Variants in PDK3 observed in about 807,000 individuals in gnomAD.
The protein encoded by PDK3 is pyruvate dehydrogenase kinase 3.
Under a neutral mutation model 32.0 loss-of-function variants are expected in PDK3, and 12 were observed. The ratio of observed to expected loss-of-function variants is 0.37; its 90% CI spans 0.24 to 0.61. The LOEUF (loss-of-function observed/expected upper bound fraction) is 0.61, where lower values mean the gene tolerates loss of function less well. PDK3 is among the 20% of genes least tolerant of loss of function. PDK3 has a pLI of 0.65. For synonymous variants in PDK3, 122 were observed against 116.3 expected (o/e 1.05, Z -0.31); for missense variants, 188 against 316.9 (o/e 0.59, Z 3.09).
At chrX:24,494,699 T>A (rs767290210) in intron 1 of PDK3, 43 bp from the exon 2 acceptor site, 2 of 1,059,697 alleles carry the variant, frequency 1.9e-6, no homozygotes, top group Admixed American at 2.5e-5. Flanking sequence ...TTTCTCCATC[T>A]GTTAGACTAT....
intron 1 of PDK3, among the ~76,000 whole-genome samples, chrX:24,480,066 A>C (rs1268413983): frequency 9.0e-6 from 1 of 111,601 alleles, no homozygotes; most frequent in Non-Finnish European, 1.9e-5. Flanking sequence ...GTGTGTGAGC[A>C]AAACAAACTG....
At chrX:24,509,019 T>C (rs1922055661) in intron 5 of PDK3, among the ~76,000 whole-genome samples, 1 of 112,166 alleles carries the variant, frequency 8.9e-6, no homozygotes, top group South Asian at 3.7e-4. Flanking sequence ...CCCCAGCCTA[T>C]TTGTCTCTCT....
chrX:24,535,877 G>A (rs183677380), downstream of PDK3, among the ~76,000 whole-genome samples: 956 of 101,656 alleles, frequency 9.4e-3, 9 homozygotes, highest in Middle Eastern at 0.02. Flanking sequence ...TAGAGACAGG[G>A]TTTTGCCATG....
intron 6 of PDK3, among the ~76,000 whole-genome samples, chrX:24,519,400 C>T (rs1316040030): frequency 2.2e-5 from 2 of 91,460 alleles, no homozygotes; most frequent in Middle Eastern, 7.8e-3. Flanking sequence ...GAAGGAGTCT[C>T]GTTCTGTTGC....
In PDK3 at chrX:24,489,112, A is replaced by T. The variant is rs1274436378; in HGVS notation, c.107-5630A>T. Among the ~76,000 whole-genome samples, 9 of 110,876 alleles carry T rather than the reference A, an allele frequency of 8.1e-5. No individual in the cohort carries two copies. In the South Asian group the frequency reaches 1.1e-3, roughly 14 times the overall value. On this transcript the variant is annotated intron_variant, in intron 1 of 10. Transcript: ENST00000379162. ...GTTTTTCTTGGTAAGTTTATTATTT[A>T]AAAAAAAATGGTTGTTAGAACCTTT...
chrX:24,465,682 C>CG, intron 1 of PDK3, 121 bp downstream of exon 1: 5 of 537,238 alleles, frequency 9.3e-6, no homozygotes, highest in African/African-American at 2.3e-5. Flanking sequence ...AGGGAATATC[C>CG]GGGGGGCTCT....
At chrX:24,529,418 G>A in intron 9 of PDK3, among the ~76,000 whole-genome samples, 1 of 111,536 alleles carries the variant, frequency 9.0e-6, no homozygotes, top group Non-Finnish European at 1.9e-5. Flanking sequence ...GCTGGTGCTG[G>A]CCATGTCTGT....
intron 1 of PDK3, among the ~76,000 whole-genome samples, chrX:24,484,391 ACATAGAACT>A (rs1921346790): frequency 8.9e-6 from 1 of 112,692 alleles, no homozygotes; most frequent in Non-Finnish European, 1.9e-5. Context: ...ATGATACAGG[ACATAGAACT>A]CATAGAACTC....
intron 5 of PDK3, among the ~76,000 whole-genome samples, chrX:24,508,264 C>T (rs746415026): frequency 1.1e-3 from 118 of 110,757 alleles, no homozygotes; most frequent in Non-Finnish European, 2.0e-3. Flanking sequence ...CGTGGGAACT[C>T]ACTATCATGA....
chrX:24,494,841 A>G lies in PDK3; in HGVS notation c.206A>G (p.Asp69Gly). Residue 69 changes from aspartate to glycine, a missense_variant, in exon 2 of 11, where the codon GAT becomes GGT. Coordinates refer to ENST00000379162, the MANE Select transcript of PDK3 (RefSeq NM_005391.5). ...ATGAGAGAAGTTAATCTTCTGCCGGATAATTTACTTAACCGCCCTTCAGTG... is the reference window on the plus strand; with the variant it reads ...ATGAGAGAAGTTAATCTTCTGCCGGGTAATTTACTTAACCGCCCTTCAGTG... ...NTMREVNLLP[D>G]NLLNRPSVGL... 8.3e-7 allele frequency: 1 copy of G among 1,206,431 alleles called. No homozygotes were observed. The highest frequency in any genetic ancestry group is 1.1e-6 in the Non-Finnish European group (1 of 891,451).
Position 24,465,506 on chromosome X carries a change from G to T in PDK3, c.51G>T (p.Glu17Asp), listed in dbSNP as rs371137355. Reference sequence around the variant, plus strand: ...AGCAGCCGGTGCCCAAGCAGATCGAGCGCTACTCGCGCTTTTCGCCGTCGC... The same window carrying T: ...AGCAGCCGGTGCCCAAGCAGATCGATCGCTACTCGCGCTTTTCGCCGTCGC... The part of the protein sequence containing the change: ...LLKQPVPKQI[E>D]RYSRFSPSPL... Residue 17 changes from glutamate to aspartate, a missense_variant, in exon 1 of 11, where the codon GAG becomes GAT. Transcript: ENST00000379162. 8.3e-7 allele frequency: 1 copy of T among 1,209,597 alleles called. No homozygotes were observed. The highest frequency in any genetic ancestry group is 1.1e-6 in the Non-Finnish European group (1 of 893,556).
intron 5 of PDK3, 26 bp downstream of exon 5, chrX:24,505,324 G>T: frequency 9.2e-7 from 1 of 1,091,300 alleles, no homozygotes; most frequent in South Asian, 1.9e-5. Context: ...TAATGGTATC[G>T]ATCGTAGTTC....
At chrX:24,533,471 A>G (rs760992075) in intron 10 of PDK3, among the ~76,000 whole-genome samples, 1 of 111,751 alleles carries the variant, frequency 8.9e-6, no homozygotes, top group East Asian at 2.8e-4. Context: ...TACTCAACCT[A>G]TGTATGTGAT....
intron 5 of PDK3, among the ~76,000 whole-genome samples, chrX:24,518,222 C>T (rs952620723): frequency 3.6e-5 from 4 of 111,942 alleles, no homozygotes; most frequent in African/African-American, 1.3e-4. Context: ...TGGCTCATGC[C>T]TGTAATCCCA....
intron 1 of PDK3, among the ~76,000 whole-genome samples, chrX:24,489,684 C>CA (rs11309543): frequency 6.6e-4 from 31 of 46,648 alleles, no homozygotes; most frequent in Non-Finnish European, 8.5e-4. Context: ...GACTCTGTCT[C>CA]AAAAAAAAAA....
intron 4 of PDK3, among the ~76,000 whole-genome samples, chrX:24,504,549 TTG>T (rs1174259376): frequency 8.9e-6 from 1 of 112,360 alleles, no homozygotes; most frequent in Non-Finnish European, 1.9e-5. Flanking sequence ...CATCCTTCTT[TTG>T]TTAGTCGCAA....
Position 24,503,481 on chromosome X carries a change from A to G in PDK3, c.475A>G (p.Ile159Val), listed in dbSNP as rs1921912101. ...TCTGGATCGGTTTTATACCAACCGC[A>G]TCTCTTTCCGCATGCTTATTAATCA... ...YFLDRFYTNR[I>V]SFRMLINQHT... is the part of the protein sequence containing the mutation. Residue 159 changes from isoleucine to valine, a missense_variant, in exon 4 of 11, where the codon ATC becomes GTC. Physicochemically the swap from Ile to Val is conservative, Grantham distance 29. Coordinates refer to ENST00000379162, the MANE Select transcript of PDK3 (RefSeq NM_005391.5). 8.3e-7 allele frequency: 1 copy of G among 1,199,137 alleles called. No individual in the cohort carries two copies. Among genetic ancestry groups the G allele is most frequent in the Non-Finnish European group, 1.1e-6 (1 of 889,135 alleles).
intron 1 of PDK3, among the ~76,000 whole-genome samples, chrX:24,469,649 G>A: frequency 9.0e-6 from 1 of 110,526 alleles, no homozygotes. Flanking sequence ...AGATTAGCCA[G>A]GAGTGGTGGT....
intron 1 of PDK3, among the ~76,000 whole-genome samples, chrX:24,488,117 G>A (rs996488351): frequency 2.8e-5 from 3 of 107,923 alleles, no homozygotes; most frequent in African/African-American, 1.0e-4. Context: ...GGATTAAAAC[G>A]AAGCCAGGGT....
Sources: allele counts gnomAD v4.1 joint callset (sites outside exome capture counted in the v4.1 genomes callset), GRCh38; gene constraint gnomAD v4.1.1; transcripts MANE v1.5; gene names NCBI Gene and HGNC (gene_info 2026-07-23, HGNC 2026-07-21).